Variants in OTOF observed in about 807,000 individuals in gnomAD.
The protein encoded by OTOF is fer-1-like family member 2.
Under a neutral mutation model 236.8 loss-of-function variants are expected in OTOF, and 218 were observed. The observed-to-expected ratio is 0.92, with a 90% CI of 0.82 to 1.03. The LOEUF is 1.03. OTOF is among the 50% of genes least tolerant of loss of function. OTOF has a pLI of 0.00. For missense variants in OTOF, 2,590 were observed against 2,694.4 expected (o/e 0.96, Z 0.86); for synonymous variants, 1,041 against 1,072.5 (o/e 0.97, Z 0.57).
chr2:26,545,647 T>C (rs1431605703), intron 1 of OTOF, among the ~76,000 whole-genome samples: 1 of 152,154 alleles, frequency 6.6e-6, no homozygotes, highest in Non-Finnish European at 1.5e-5. Flanking sequence ...AAAAAAGATG[T>C]TCTATATTTT....
intron 35 of OTOF, 40 bp from the exon 36 acceptor site, chr2:26,466,891 G>C: frequency 6.2e-7 from 1 of 1,613,868 alleles, no homozygotes; most frequent in Admixed American, 1.7e-5. Context: ...AGGTTTGCCT[G>C]GCAAGGGTGG....
intron 3 of OTOF, among the ~76,000 whole-genome samples, chr2:26,522,962 T>C (rs1387866961): frequency 2.0e-5 from 3 of 152,234 alleles, no homozygotes; most frequent in Admixed American, 6.5e-5. Context: ...GATCCCCACG[T>C]AATTAGCCGG....
At chr2:26,488,137 C>T (rs1185429579) in intron 11 of OTOF, among the ~76,000 whole-genome samples, 1 of 152,184 alleles carries the variant, frequency 6.6e-6, no homozygotes, top group Non-Finnish European at 1.5e-5. Flanking sequence ...ACCAGCTGGA[C>T]GTCTCTTAGG....
Position 26,480,429 on chromosome 2 carries a change from G to T in OTOF, c.1804-118C>A, listed in dbSNP as rs996912740. 21 of 737,956 alleles carry T rather than the reference G, an allele frequency of 2.8e-5. No homozygotes were observed. The African/African-American group carries it at 3.4e-4, about 12-fold the overall frequency. The allele number at this position is 737,956 out of a possible 1,614,324, so 45.7% of individuals were successfully genotyped here. On this transcript the variant is annotated intron_variant, in intron 15 of 46. Transcript: ENST00000272371. ...GGTGGATGGTGGGGGCATCCCACCC[G>T]GCTTTGGGGCCAGGCAGCCCACACC...
intron 2 of OTOF, among the ~76,000 whole-genome samples, chr2:26,534,737 C>T (rs1356060093): frequency 1.3e-5 from 2 of 152,188 alleles, no homozygotes; most frequent in East Asian, 3.8e-4. Context: ...GAATCCAAAG[C>T]CCAAAGAGGT....
intron 3 of OTOF, among the ~76,000 whole-genome samples, chr2:26,523,849 G>C (rs1321989882): frequency 6.6e-6 from 1 of 152,242 alleles, no homozygotes; most frequent in African/African-American, 2.4e-5. Flanking sequence ...GCCATGTGGG[G>C]GTTGAGGGCA....
intron 6 of OTOF, 110 bp from the exon 7 acceptor site, chr2:26,502,536 T>C: frequency 9.0e-7 from 1 of 1,111,694 alleles, no homozygotes; most frequent in Non-Finnish European, 1.3e-6. Flanking sequence ...GAGGTTTACT[T>C]AGTTGCTACC....
chr2:26,465,751 C>G lies in OTOF; in HGVS notation c.4720G>C (p.Gly1574Arg). Residue 1574 changes from glycine to arginine, a missense_variant, in exon 38 of 47, where the codon GGG becomes CGG. This residue lies in a region of OTOF where 1,211 missense variants were observed against 1,352.8 expected (regional missense o/e 0.90). Coordinates refer to ENST00000272371, the MANE Select transcript of OTOF (RefSeq NM_194248.3). ...WDLVGTDDLI[G>R]ETKIDLENRF... is the part of the protein sequence containing the mutation. ...TTCTCCAGGTCGATCTTGGTTTCCC[C>G]AATGAGGTCATCAGTGCCCACCAGG... 1 of 1,614,236 alleles carries G rather than the reference C, an allele frequency of 6.2e-7. No homozygotes were observed.
chr2:26,508,939 G>T (rs1285846940), intron 5 of OTOF, among the ~76,000 whole-genome samples: 1 of 152,150 alleles, frequency 6.6e-6, no homozygotes, highest in African/African-American at 2.4e-5. Context: ...AATACTATAT[G>T]CCAGTTTACT....
chr2:26,538,177 T>A (rs1359028934), intron 1 of OTOF, among the ~76,000 whole-genome samples: 2 of 152,148 alleles, frequency 1.3e-5, no homozygotes, highest in Non-Finnish European at 2.9e-5. Context: ...AGCAGAAGCC[T>A]AGTATAGGGG....
intron 9 of OTOF, among the ~76,000 whole-genome samples, chr2:26,492,026 G>C (rs1665861733): frequency 6.6e-6 from 1 of 152,204 alleles, no homozygotes; most frequent in African/African-American, 2.4e-5. Flanking sequence ...TAATTAGTCA[G>C]AAATAATACA....
At chr2:26,479,147 T>C in intron 18 of OTOF, 117 bp downstream of exon 18, 2 of 1,347,472 alleles carry the variant, frequency 1.5e-6, no homozygotes, top group Non-Finnish European at 2.1e-6. Context: ...GAGGTCCTGC[T>C]GGGGCCGTTC....
intron 34 of OTOF, 43 bp downstream of exon 34, chr2:26,467,322 C>T (rs1278782951): frequency 6.2e-7 from 1 of 1,613,750 alleles, no homozygotes; most frequent in Non-Finnish European, 8.5e-7. Flanking sequence ...CCCCCTCTTC[C>T]CGCCCCCACA....
In OTOF at chr2:26,468,467, C is replaced by T. The variant is rs765756263; in HGVS notation, c.4031G>A (p.Arg1344Gln). ...ASIDTMKEQL[R>Q]QQEPSGIDLE... is the part of the protein sequence containing the mutation. ...GTCAATTCCAGAGGGCTCTTGTTGT[C>T]GAAGTTGCTGCCAAAAGATGAGATG... Residue 1344 changes from arginine (R) to glutamine (Q), a missense_variant, in exon 33 of 47, where the codon CGA becomes CAA. Transcript: ENST00000272371. The T allele has an allele frequency of 8.1e-6, 13 of 1,613,758 alleles. No homozygotes were observed. The highest frequency in any genetic ancestry group is 1.1e-5 in the South Asian group (1 of 91,070).
chr2:26,540,316 G>T (rs549521989), intron 1 of OTOF, among the ~76,000 whole-genome samples: 285 of 152,330 alleles, frequency 1.9e-3, no homozygotes, highest in African/African-American at 6.2e-3. Flanking sequence ...CCTATTTGGG[G>T]GTGAGTTTGG....
At chr2:26,540,906 T>G (rs1160960840) in intron 1 of OTOF, among the ~76,000 whole-genome samples, 1 of 152,056 alleles carries the variant, frequency 6.6e-6, no homozygotes, top group African/African-American at 2.4e-5. Flanking sequence ...ACAAGAAATA[T>G]CTCAACAACA....
At chr2:26,489,475 G>T (rs1001109075) in intron 10 of OTOF, among the ~76,000 whole-genome samples, 180 bp from the exon 11 acceptor site, 1 of 152,204 alleles carries the variant, frequency 6.6e-6, no homozygotes, top group Non-Finnish European at 1.5e-5. Flanking sequence ...CACTGTTTAC[G>T]GGCGAATGCA....
In OTOF at chr2:26,484,452, G is replaced by A. The variant is rs1298532110; in HGVS notation, c.1205+22C>T. ...AGGAAGGGCTGGCTCAGACTCCAGG[G>A]GCTGGGGTAGCTGGGCCTCACCCCT... On this transcript the variant is annotated intron_variant, in intron 12 of 46. Transcript: ENST00000272371. 3 of 1,613,630 alleles carry A rather than the reference G, an allele frequency of 1.9e-6. No homozygotes were observed. The Admixed American group carries it at 5.0e-5, about 27-fold the overall frequency.
intron 1 of OTOF, among the ~76,000 whole-genome samples, chr2:26,556,312 A>T (rs1667583787): frequency 6.6e-6 from 1 of 152,168 alleles, no homozygotes; most frequent in South Asian, 2.1e-4. Flanking sequence ...GAGCGGGTCC[A>T]TTCCCTCTGA....
Sources: allele counts gnomAD v4.1 joint callset (sites outside exome capture counted in the v4.1 genomes callset), GRCh38; gene constraint gnomAD v4.1.1; regional missense constraint gnomAD v4.1.1; transcripts MANE v1.5; gene names NCBI Gene and HGNC (gene_info 2026-07-23, HGNC 2026-07-21).